EPM2A: variants seen among roughly 807,000 people sequenced by gnomAD.
EPM2A encodes the protein EPM2A glucan phosphatase, laforin, also known as laforin.
Under a neutral mutation model 26.5 loss-of-function variants are expected in EPM2A, and 21 were observed. That is an observed-to-expected ratio of 0.79 (90% CI 0.56 to 1.14). EPM2A has a LOEUF of 1.14. EPM2A is among the 50% of genes most tolerant of loss of function. The pLI, the probability that EPM2A is intolerant of heterozygous loss-of-function variation, is 0.00. For missense variants in EPM2A, 458 were observed against 440.8 expected, an observed-to-expected ratio of 1.04 and a Z score of -0.35; for synonymous variants, 217 against 177.6, an observed-to-expected ratio of 1.22 and a Z score of -1.76.
rs1050153848 is a variant in EPM2A at position 145,731,045 on chromosome 6, G to A, written c.301+4153C>T. Among the ~76,000 whole-genome samples, 3 of 151,898 alleles carry A rather than the reference G, an allele frequency of 2.0e-5. No individual in the cohort carries two copies. The East Asian group carries it at 5.8e-4, about 29-fold the overall frequency. On this transcript the variant is annotated intron_variant, in intron 1 of 3. Transcript: ENST00000367519. ...GATTGGGTGAAACAAATCCTGTGAT[G>A]TCTACAGACCCACACGACAGACCTA...
chr6:145,392,420 C>G (rs1183556992), intron 4 of EPM2A, among the ~76,000 whole-genome samples: 1 of 152,124 alleles, frequency 6.6e-6, no homozygotes, highest in African/African-American at 2.4e-5. Flanking sequence ...TGTGTCTCCC[C>G]ATTCTCCTTC....
At chr6:145,695,053 TAACA>T (rs1312180681) in intron 1 of EPM2A, among the ~76,000 whole-genome samples, 1 of 152,036 alleles carries the variant, frequency 6.6e-6, no homozygotes, top group African/African-American at 2.4e-5. Context: ...ATTTTATCTC[TAACA>T]TGAGAGTTAA....
chr6:145,645,970 T>G (rs1331835602), intron 2 of EPM2A, among the ~76,000 whole-genome samples: 28 of 152,280 alleles, frequency 1.8e-4, no homozygotes, highest in Non-Finnish European at 1.5e-5. Flanking sequence ...CATCTAAGCT[T>G]GGCGTTCTCA....
intron 4 of EPM2A, among the ~76,000 whole-genome samples, chr6:145,435,650 A>C (rs532995742): frequency 3.3e-5 from 5 of 151,958 alleles, no homozygotes; most frequent in African/African-American, 9.6e-5. Flanking sequence ...ACCCAGTCTC[A>C]GGTATTTCTG....
At chr6:145,515,370 G>T (rs1419602094) in intron 2 of EPM2A, among the ~76,000 whole-genome samples, 1 of 152,128 alleles carries the variant, frequency 6.6e-6, no homozygotes, top group East Asian at 1.9e-4. Context: ...AGATCAGATT[G>T]GGGCCTCTCT....
At chr6:145,700,474 C>A (rs576189156) in intron 1 of EPM2A, among the ~76,000 whole-genome samples, 1 of 152,122 alleles carries the variant, frequency 6.6e-6, no homozygotes, top group Admixed American at 6.6e-5. Flanking sequence ...GCATCTATAT[C>A]AGTATTAGTC....
rs1404641615 is a variant in EPM2A, at chr6:145,502,651, C to G, written c.341-76G>C. The G allele has an allele frequency of 8.6e-6, 4 of 467,130 alleles. No homozygotes were observed. In the Admixed American group the frequency reaches 9.4e-5, roughly 11 times the overall value. The allele number at this position is 467,130 out of a possible 1,614,324, so 28.9% of individuals were successfully genotyped here. On this transcript the variant is annotated intron_variant, in intron 2 of 3. Transcript: ENST00000450221. ...CAGCCTTGCTCAAGATGTTGTTATT[C>G]AGTCTTAGGAAACACCTTGAAAATA...
intron 2 of EPM2A, among the ~76,000 whole-genome samples, chr6:145,522,206 C>A (rs1780211862): frequency 6.6e-6 from 1 of 152,162 alleles, no homozygotes; most frequent in African/African-American, 2.4e-5. Context: ...CCTGCCTCAG[C>A]CTCCCAAAGT....
intron 2 of EPM2A, among the ~76,000 whole-genome samples, chr6:145,556,696 A>G (rs1780732316): frequency 6.6e-6 from 1 of 152,092 alleles, no homozygotes; most frequent in Non-Finnish European, 1.5e-5. Flanking sequence ...ATCTTTTTCT[A>G]TTCCCAAGGT....
intron 2 of EPM2A, among the ~76,000 whole-genome samples, chr6:145,523,945 C>A (rs527383232): frequency 1.6e-4 from 25 of 152,242 alleles, no homozygotes; most frequent in South Asian, 2.1e-4. Context: ...CTGTCTCCCA[C>A]CTCTAGTGGA....
At chr6:145,485,556 A>G (rs1422809945) in intron 4 of EPM2A, among the ~76,000 whole-genome samples, 2 of 152,160 alleles carry the variant, frequency 1.3e-5, no homozygotes, top group Non-Finnish European at 2.9e-5. Context: ...GAAAATACCT[A>G]CAGAAGATTA....
chr6:145,549,012 G>C (rs1323035394), intron 2 of EPM2A, among the ~76,000 whole-genome samples: 1 of 152,074 alleles, frequency 6.6e-6, no homozygotes, highest in Non-Finnish European at 1.5e-5. Context: ...TTTACATTGA[G>C]AATTGTTACA....
intron 4 of EPM2A, among the ~76,000 whole-genome samples, chr6:145,417,988 T>A (rs992825523): frequency 6.6e-6 from 1 of 152,008 alleles, no homozygotes; most frequent in African/African-American, 2.4e-5. Flanking sequence ...ACTCCCTCCC[T>A]CACACCCCTG....
intron 1 of EPM2A, among the ~76,000 whole-genome samples, chr6:145,709,976 T>C (rs1775212615): frequency 6.6e-6 from 1 of 152,136 alleles, no homozygotes; most frequent in South Asian, 2.1e-4. Flanking sequence ...TCAAGATGGA[T>C]TAAAAACTTA....
chr6:145,451,202 G>C (rs936352065), intron 4 of EPM2A, among the ~76,000 whole-genome samples: 1 of 152,172 alleles, frequency 6.6e-6, no homozygotes, highest in Non-Finnish European at 1.5e-5. Flanking sequence ...AATCAGTGCT[G>C]ATCTTACTGC....
At chr6:145,694,086 T>C (rs1013859413) in intron 1 of EPM2A, among the ~76,000 whole-genome samples, 3 of 152,064 alleles carry the variant, frequency 2.0e-5, no homozygotes, top group African/African-American at 7.2e-5. Flanking sequence ...ATCTATTGGA[T>C]AGGTGTAGTC....
downstream of EPM2A, among the ~76,000 whole-genome samples, chr6:145,501,278 C>A (rs1779886291): frequency 6.6e-6 from 1 of 152,156 alleles, no homozygotes; most frequent in Non-Finnish European, 1.5e-5. Context: ...TGGAATTTTT[C>A]TTTGTGCCCA....
intron 4 of EPM2A, among the ~76,000 whole-genome samples, chr6:145,420,054 C>T (rs1582741227): frequency 6.6e-6 from 1 of 152,070 alleles, no homozygotes; most frequent in South Asian, 2.1e-4. Context: ...AGCCAGTCAG[C>T]TTTGACAGGA....
chr6:145,434,761 A>G (rs1323580189), intron 4 of EPM2A, among the ~76,000 whole-genome samples: 1 of 152,164 alleles, frequency 6.6e-6, no homozygotes, highest in African/African-American at 2.4e-5. Flanking sequence ...CACAGTTACT[A>G]GCAGCCAATT....
Sources: gnomAD v4.1 joint callset for allele counts (sites outside exome capture counted in the v4.1 genomes callset) on GRCh38, gnomAD v4.1.1 for gene constraint, MANE v1.5 for transcripts, NCBI Gene and HGNC (gene_info 2026-07-23, HGNC 2026-07-21) for gene names.